Variants in EDN1 observed in about 807,000 individuals in gnomAD.
EDN1 encodes endothelin-1.
In EDN1, 11 loss-of-function variants were observed where a neutral mutation model predicts 21.7. That is an observed-to-expected ratio of 0.51 (90% confidence interval 0.32 to 0.84). The LOEUF (loss-of-function observed/expected upper bound fraction) is 0.84, where lower values mean the gene tolerates loss of function less well. EDN1 is among the 40% of genes least tolerant of loss of function. The probability of loss-of-function intolerance (pLI) is 0.03; values close to 1 mark genes in which losing one functional copy is unlikely to be tolerated. For synonymous variants in EDN1, 85 were observed against 90.6 expected (o/e 0.94, Z 0.35); for missense variants, 244 against 262.3 (o/e 0.93, Z 0.48).
chr6:12,284,740 G>GA, the EDN1 span, among the ~76,000 whole-genome samples: 464 of 85,246 alleles, frequency 5.4e-3, 3 homozygotes, highest in South Asian at 0.015. Context: ...AGGAAGGAAG[G>GA]AAGGAAGGAA....
chr6:12,256,259 G>A, the EDN1 span, among the ~76,000 whole-genome samples: 18 of 152,090 alleles, frequency 1.2e-4, no homozygotes, highest in South Asian at 2.1e-4. Context: ...AGGCTGAGGC[G>A]GGAGGATTGC....
chr6:12,233,015 C>G, the EDN1 span, among the ~76,000 whole-genome samples: 1 of 152,176 alleles, frequency 6.6e-6, no homozygotes, highest in Non-Finnish European at 1.5e-5. Context: ...AGAGGATCAG[C>G]TAGAAAACAA....
At chr6:12,293,431 G>C (rs1425906859) in intron 2 of EDN1, among the ~76,000 whole-genome samples, 1 of 152,202 alleles carries the variant, frequency 6.6e-6, no homozygotes, top group Non-Finnish European at 1.5e-5. Context: ...GTGTGAACAT[G>C]TGCCTCCTCC....
At chr6:12,236,300 T>A in the EDN1 span, among the ~76,000 whole-genome samples, 1 of 149,704 alleles carries the variant, frequency 6.7e-6, no homozygotes, top group Non-Finnish European at 1.5e-5. Flanking sequence ...TTTTTTTTTT[T>A]AGAAGGCATC....
chr6:12,270,138 T>C, the EDN1 span, among the ~76,000 whole-genome samples: 1 of 152,112 alleles, frequency 6.6e-6, no homozygotes, highest in South Asian at 2.1e-4. Context: ...TGTCTCTTTT[T>C]TCACTGCTGA....
chr6:12,278,220 T>G, the EDN1 span, among the ~76,000 whole-genome samples: 1 of 152,174 alleles, frequency 6.6e-6, no homozygotes, highest in East Asian at 1.9e-4. Context: ...ATAGTGAACC[T>G]TCAGAAAGTC....
the EDN1 span, among the ~76,000 whole-genome samples, chr6:12,275,531 T>C: frequency 2.0e-5 from 3 of 152,284 alleles, no homozygotes; most frequent in South Asian, 6.2e-4. Flanking sequence ...ACCATGAAGA[T>C]GATAACCATT....
the EDN1 span, among the ~76,000 whole-genome samples, chr6:12,253,906 C>T: frequency 6.6e-6 from 1 of 152,122 alleles, no homozygotes; most frequent in African/African-American, 2.4e-5. Flanking sequence ...CTCCTAAATA[C>T]ATCTCAATCC....
the EDN1 span, among the ~76,000 whole-genome samples, chr6:12,267,514 G>A: frequency 3.9e-4 from 59 of 152,292 alleles, no homozygotes; most frequent in African/African-American, 1.3e-3. Flanking sequence ...CCAGAGCAAG[G>A]CCCTAACTAT....
the EDN1 span, among the ~76,000 whole-genome samples, chr6:12,284,600 AAGAGAAAGAAAGGAAAGAAAG>A: frequency 4.8e-4 from 72 of 151,046 alleles, 1 homozygote; most frequent in South Asian, 0.012. Context: ...GAAAGAAAGA[AAGAGAAAGAAAGGAAAGAAAG>A]AGAGAAAGAA....
chr6:12,287,360 G>A (rs565702241), upstream of EDN1, among the ~76,000 whole-genome samples: 6 of 151,966 alleles, frequency 3.9e-5, no homozygotes, highest in East Asian at 9.7e-4. Flanking sequence ...TCTTCTCCCC[G>A]CATCTCTGTC....
At chr6:12,254,443 G>A in the EDN1 span, among the ~76,000 whole-genome samples, 1 of 152,088 alleles carries the variant, frequency 6.6e-6, no homozygotes, top group African/African-American at 2.4e-5. Context: ...CCCTATCATA[G>A]TACCTTTCCA....
the EDN1 span, among the ~76,000 whole-genome samples, chr6:12,282,458 G>T: frequency 6.8e-4 from 103 of 152,178 alleles, no homozygotes; most frequent in Non-Finnish European, 1.0e-3. Flanking sequence ...AAGATTATGT[G>T]CTTTACATAC....
the EDN1 span, among the ~76,000 whole-genome samples, chr6:12,273,986 C>CT: frequency 1.3e-5 from 2 of 152,120 alleles, no homozygotes; most frequent in African/African-American, 4.8e-5. Context: ...TTTTCTTACC[C>CT]ATATATTGTA....
At chr6:12,241,884 G>C in the EDN1 span, among the ~76,000 whole-genome samples, 1 of 152,160 alleles carries the variant, frequency 6.6e-6, no homozygotes, top group Admixed American at 6.5e-5. Flanking sequence ...GGAGAACAAG[G>C]GTGTGATGGT....
the EDN1 span, among the ~76,000 whole-genome samples, chr6:12,259,288 T>G: frequency 6.6e-6 from 1 of 151,816 alleles, no homozygotes; most frequent in Non-Finnish European, 1.5e-5. Flanking sequence ...CCTATAAGCA[T>G]CAACTGGAAT....
At chr6:12,279,461 T>C in the EDN1 span, among the ~76,000 whole-genome samples, 490 of 152,194 alleles carry the variant, frequency 3.2e-3, 7 homozygotes, top group African/African-American at 0.012. Context: ...TTGAGATGGA[T>C]GATAAAGGAA....
chr6:12,268,808 G>C, the EDN1 span, among the ~76,000 whole-genome samples: 1 of 151,886 alleles, frequency 6.6e-6, no homozygotes, highest in African/African-American at 2.4e-5. Flanking sequence ...AGCCTTTTCT[G>C]GTTTCATATG....
chr6:12,275,525 T>G, the EDN1 span, among the ~76,000 whole-genome samples: 1 of 152,172 alleles, frequency 6.6e-6, no homozygotes, highest in Non-Finnish European at 1.5e-5. Context: ...GACTTGACCA[T>G]GAAGATGATA....
Sources: allele counts gnomAD v4.1 joint callset (sites outside exome capture counted in the v4.1 genomes callset), GRCh38; gene constraint gnomAD v4.1.1; transcripts MANE v1.5; gene names NCBI Gene and HGNC (gene_info 2026-07-23, HGNC 2026-07-21).